DOCK10: variants seen among roughly 807,000 people sequenced by gnomAD.
The protein encoded by DOCK10 is dedicator of cytokinesis 10.
Under a neutral mutation model 280.1 loss-of-function variants are expected in DOCK10, and 145 were observed. The ratio of observed to expected loss-of-function variants is 0.52; its 90% CI spans 0.45 to 0.59. The LOEUF (loss-of-function observed/expected upper bound fraction) is 0.59. Ranked by LOEUF, DOCK10 falls within the 20% of genes least tolerant of loss-of-function variation. The pLI, the probability that DOCK10 is intolerant of heterozygous loss-of-function variation, is 0.00. For missense variants in DOCK10, 2,368 were observed against 2,651.7 expected (o/e 0.89, Z 2.35); for synonymous variants, 915 against 942.2 (o/e 0.97, Z 0.53).
intron 26 of DOCK10, among the ~76,000 whole-genome samples, chr2:224,832,458 C>T (rs191207425): frequency 4.8e-4 from 73 of 152,136 alleles, no homozygotes; most frequent in Middle Eastern, 3.4e-3. Context: ...AACAATGCTG[C>T]GATAAACTTT....
intron 47 of DOCK10, among the ~76,000 whole-genome samples, chr2:224,789,475 T>A (rs975980022): frequency 2.6e-5 from 4 of 152,230 alleles, no homozygotes; most frequent in Non-Finnish European, 5.9e-5. Flanking sequence ...TCGGAGACTG[T>A]GTCCCTCTCT....
At chr2:224,817,554 C>T in intron 29 of DOCK10, among the ~76,000 whole-genome samples, 1 of 152,082 alleles carries the variant, frequency 6.6e-6, no homozygotes, top group East Asian at 1.9e-4. Flanking sequence ...TTGACTTAAA[C>T]CTTTGTACAT....
At chr2:224,992,776 A>T (rs969455099) in intron 1 of DOCK10, among the ~76,000 whole-genome samples, 4 of 152,222 alleles carry the variant, frequency 2.6e-5, no homozygotes, top group Non-Finnish European at 4.4e-5. Context: ...AAGTCTTGTC[A>T]TCTCTTTCTC....
At position 224,770,179 on chromosome 2, in the gene DOCK10, C is replaced by A; in HGVS notation, c.6444+32G>T. 2 of 1,487,654 alleles carry A rather than the reference C, an allele frequency of 1.3e-6. No individual in the cohort carries two copies. Among genetic ancestry groups the A allele is most frequent in the Non-Finnish European group, 1.8e-6 (2 of 1,116,966 alleles). 92.2% of individuals were successfully genotyped at this position (1,487,654 alleles called of 1,614,324 possible). On this transcript the variant is annotated intron_variant, in intron 55 of 55. Coordinates refer to ENST00000258390, the MANE Select transcript of DOCK10 (RefSeq NM_014689.3). This position sits in a 1 kb window ranked among gnomAD's most constrained non-coding sequence, Gnocchi z 4.5. ...GGGAGCGAAAGGGACTTTCTGTCCA[C>A]TGATAGCGCGTGTGCACCAAGGAGC...
intron 1 of DOCK10, among the ~76,000 whole-genome samples, chr2:225,008,149 C>T (rs1229997958): frequency 6.6e-6 from 1 of 152,142 alleles, no homozygotes; most frequent in Non-Finnish European, 1.5e-5. Context: ...GATTAGTCTT[C>T]TTGTCATTCA....
At chr2:224,964,768 A>C (rs574605284) in intron 1 of DOCK10, among the ~76,000 whole-genome samples, 15 of 152,214 alleles carry the variant, frequency 9.9e-5, no homozygotes, top group Admixed American at 3.3e-4. Context: ...TCAAAAATGC[A>C]GATCTCCTTT....
rs192945488 is a variant in DOCK10, at chr2:224,921,159, G to A, written c.244-4375C>T. On this transcript the variant is annotated intron_variant, in intron 2 of 55. Transcript: ENST00000258390. ...TAATGTATATACACAAAAAATAGCC[G>A]GGCATGGTGGCGGGCACCTGTAATC... Among the ~76,000 whole-genome samples, 213 of 123,608 alleles carry A rather than the reference G, an allele frequency of 1.7e-3. 1 individual carries two copies. Among genetic ancestry groups the A allele is most frequent in the African/African-American group, 7.0e-3 (196 of 27,856 alleles). The allele number at this position is 123,608 out of a possible 152,430, so 81.1% of individuals were successfully genotyped here.
chr2:224,978,482 G>A (rs1478089077), intron 1 of DOCK10, among the ~76,000 whole-genome samples: 1 of 152,166 alleles, frequency 6.6e-6, no homozygotes, highest in Non-Finnish European at 1.5e-5. Context: ...CAAGGTCAAA[G>A]CAAGGAGAAC....
At chr2:224,955,840 C>A (rs1704005462) in intron 1 of DOCK10, among the ~76,000 whole-genome samples, 1 of 152,192 alleles carries the variant, frequency 6.6e-6, no homozygotes, top group African/African-American at 2.4e-5. Flanking sequence ...ACTAGGTAAA[C>A]AAGAAGAACT....
chr2:224,908,927 A>T (rs7603622), intron 3 of DOCK10, among the ~76,000 whole-genome samples: 31,175 of 152,104 alleles, frequency 0.2, 3,355 homozygotes, highest in African/African-American at 0.26. Context: ...GGTTTTCAGA[A>T]ATCAGAGAGG....
chr2:224,816,224 T>C (rs1694128674), intron 30 of DOCK10, among the ~76,000 whole-genome samples: 1 of 148,544 alleles, frequency 6.7e-6, no homozygotes, highest in Non-Finnish European at 1.5e-5. Context: ...TTTATATATA[T>C]AATATTTATA....
chr2:224,875,539 GA>G (rs932949276), intron 8 of DOCK10, among the ~76,000 whole-genome samples: 9 of 151,682 alleles, frequency 5.9e-5, no homozygotes, highest in Non-Finnish European at 1.2e-4. Context: ...AGGATGGGGA[GA>G]AAAAAAATTT....
intron 19 of DOCK10, among the ~76,000 whole-genome samples, chr2:224,846,337 G>GT (rs1429158665): frequency 2.0e-5 from 3 of 152,238 alleles, no homozygotes; most frequent in Middle Eastern, 3.4e-3. Flanking sequence ...CAGTAAGTCC[G>GT]TGCCTCCCAA....
At chr2:224,968,376 G>C (rs1704895270) in intron 1 of DOCK10, among the ~76,000 whole-genome samples, 1 of 152,212 alleles carries the variant, frequency 6.6e-6, no homozygotes, top group Admixed American at 6.5e-5. Flanking sequence ...GGGCAGGTGT[G>C]GGGCCTGAGG....
At chr2:224,857,540 G>A (rs1265720637) in intron 14 of DOCK10, among the ~76,000 whole-genome samples, 1 of 152,154 alleles carries the variant, frequency 6.6e-6, no homozygotes, top group Non-Finnish European at 1.5e-5. Context: ...TTTAAAGAAA[G>A]AGAACACTAT....
intron 1 of DOCK10, among the ~76,000 whole-genome samples, chr2:224,997,156 A>C (rs1706293687): frequency 6.6e-6 from 1 of 151,880 alleles, no homozygotes; most frequent in East Asian, 1.9e-4. Flanking sequence ...TCTGCTTCCC[A>C]CCAAATTCAA....
intron 3 of DOCK10, among the ~76,000 whole-genome samples, chr2:224,906,484 G>A (rs981193132): frequency 6.6e-6 from 1 of 150,908 alleles, no homozygotes; most frequent in African/African-American, 2.5e-5. Context: ...TTTATTTTTA[G>A]ATGGAATCTC....
intron 1 of DOCK10, among the ~76,000 whole-genome samples, chr2:224,979,111 C>A (rs1705612709): frequency 6.6e-6 from 1 of 152,180 alleles, no homozygotes; most frequent in Non-Finnish European, 1.5e-5. Flanking sequence ...CCTGCTTTGA[C>A]CCTTGACCCT....
At chr2:224,855,876 C>A (rs187827210) in intron 15 of DOCK10, among the ~76,000 whole-genome samples, 58 of 152,190 alleles carry the variant, frequency 3.8e-4, no homozygotes, top group African/African-American at 1.1e-3. Flanking sequence ...CATAAACTTA[C>A]CATTAAAGAA....
Sources: gnomAD v4.1 joint callset for allele counts (sites outside exome capture counted in the v4.1 genomes callset) on GRCh38, gnomAD v4.1.1 for gene constraint, Gnocchi (gnomAD v3.1) non-coding constraint, MANE v1.5 for transcripts, NCBI Gene and HGNC (gene_info 2026-07-23, HGNC 2026-07-21) for gene names.